The following PTPRM variants were observed in gnomAD, a reference collection of about 807,000 sequenced individuals.
The protein encoded by PTPRM is receptor-type tyrosine-protein phosphatase mu.
PTPRM carries 47 observed loss-of-function variants against 186.7 expected under a neutral mutation model. The ratio of observed to expected loss-of-function variants is 0.25; its 90% confidence interval spans 0.20 to 0.32. The LOEUF (loss-of-function observed/expected upper bound fraction) is 0.32, where lower values mean the gene tolerates loss of function less well. PTPRM is among the 10% of genes least tolerant of loss of function. The pLI is 1.00. For synonymous variants in PTPRM, 668 were observed against 674.9 expected, an observed-to-expected ratio of 0.99 and a Z score of 0.16; for missense variants, 1,494 against 1,865.0, an observed-to-expected ratio of 0.80 and a Z score of 3.66.
intron 1 of PTPRM, among the ~76,000 whole-genome samples, chr18:7,761,927 A>G (rs2041795500): frequency 6.6e-6 from 1 of 152,170 alleles, no homozygotes; most frequent in African/African-American, 2.4e-5. Context: ...AGTCCATTAG[A>G]TGTTTTTTCT....
chr18:8,376,169 C>T lies in PTPRM; in HGVS notation c.3295C>T (p.Pro1099Ser). The T allele has an allele frequency of 1.2e-6, 2 of 1,613,462 alleles. No individual in the cohort carries two copies. Among genetic ancestry groups the T allele is most frequent in the Non-Finnish European group, 8.5e-7 (1 of 1,179,944 alleles). ...GCGGCAAGTCAAGTCCAAGAGCCCG[C>T]CCAGTGCAGGCCCACTGGTGGTGCA... ...FVRQVKSKSP[P>S]SAGPLVVHCS... Residue 1099 changes from proline (P) to serine (S), a missense_variant, in exon 25 of 33, where the codon CCC (proline) becomes TCC (serine). This residue lies in a region of PTPRM where 1,107 missense variants were observed against 1,350.2 expected (regional missense o/e 0.82). Transcript: ENST00000580170.
chr18:8,113,867 C>G, intron 12 of PTPRM, 108 bp downstream of exon 12: 3 of 1,129,210 alleles, frequency 2.7e-6, no homozygotes. Context: ...TGCATTTCTA[C>G]TTGTAAACAA....
At chr18:8,080,825 G>T (rs1040897994) in intron 9 of PTPRM, among the ~76,000 whole-genome samples, 1 of 152,072 alleles carries the variant, frequency 6.6e-6, no homozygotes, top group South Asian at 2.1e-4. Flanking sequence ...ATATGAAATT[G>T]TCTCTTCGCC....
chr18:7,985,549 ACTGGT>A (rs1424405823), intron 7 of PTPRM, among the ~76,000 whole-genome samples: 15 of 148,218 alleles, frequency 1.0e-4, no homozygotes, highest in East Asian at 2.0e-4. Context: ...ATATACATAT[ACTGGT>A]AGATACGTAT....
At chr18:7,738,281 G>A (rs1394126066) in intron 1 of PTPRM, among the ~76,000 whole-genome samples, 1 of 152,188 alleles carries the variant, frequency 6.6e-6, no homozygotes, top group Non-Finnish European at 1.5e-5. Flanking sequence ...TCGGGATTCA[G>A]TGAACTCTTG....
intron 14 of PTPRM, among the ~76,000 whole-genome samples, chr18:8,157,083 G>T (rs1014226126): frequency 6.6e-6 from 1 of 152,114 alleles, no homozygotes; most frequent in Non-Finnish European, 1.5e-5. Flanking sequence ...GGTGAAAGTG[G>T]AGACCCTGGG....
chr18:8,229,789 T>A (rs1047249218), intron 14 of PTPRM, among the ~76,000 whole-genome samples: 2 of 152,196 alleles, frequency 1.3e-5, no homozygotes, highest in Non-Finnish European at 2.9e-5. Context: ...AATATGACTA[T>A]TATTTGAACC....
At chr18:8,320,231 T>C (rs1290051662) in intron 22 of PTPRM, among the ~76,000 whole-genome samples, 1 of 152,082 alleles carries the variant, frequency 6.6e-6, no homozygotes, top group African/African-American at 2.4e-5. Flanking sequence ...AGACAGTCAG[T>C]GACAAGGGAA....
intron 1 of PTPRM, among the ~76,000 whole-genome samples, chr18:7,620,191 C>T (rs185124372): frequency 5.9e-5 from 9 of 152,284 alleles, no homozygotes; most frequent in East Asian, 5.8e-4. Context: ...GCAGAGAAAC[C>T]GCTGGCTGCT....
At chr18:8,208,137 C>T (rs1314543584) in intron 14 of PTPRM, among the ~76,000 whole-genome samples, 1 of 152,230 alleles carries the variant, frequency 6.6e-6, no homozygotes, top group East Asian at 1.9e-4. Context: ...CTCTTTCAGA[C>T]TCCTGCAGGC....
chr18:8,157,378 T>G (rs1020146467), intron 14 of PTPRM, among the ~76,000 whole-genome samples: 1 of 152,192 alleles, frequency 6.6e-6, no homozygotes, highest in Admixed American at 6.5e-5. Context: ...AGTCTTTGTG[T>G]CCGGACATGG....
intron 7 of PTPRM, among the ~76,000 whole-genome samples, chr18:8,001,476 T>C (rs538366780): frequency 6.6e-6 from 1 of 152,174 alleles, no homozygotes; most frequent in East Asian, 1.9e-4. Context: ...TGCTGAGAGA[T>C]TGGACTGCCA....
intron 7 of PTPRM, among the ~76,000 whole-genome samples, chr18:8,033,230 A>C (rs1297889742): frequency 6.6e-6 from 1 of 152,226 alleles, no homozygotes; most frequent in African/African-American, 2.4e-5. Context: ...ATAACAGGCA[A>C]TTTGTGAAAA....
Position 7,713,697 on chromosome 18 carries a change from CAA to C in PTPRM, c.74-60437_74-60436del, listed in dbSNP as rs139119900. On this transcript the variant is annotated intron_variant, in intron 1 of 32. Transcript: ENST00000580170. ...GAATATTTTCCAAGCAAATGGAAAGCAAAAAAAAAAAAAAAAGGAGGGGTCGC... is the reference window on the plus strand; with the variant it reads ...GAATATTTTCCAAGCAAATGGAAAGCAAAAAAAAAAAAAAGGAGGGGTCGC... 4.2e-3 allele frequency among the ~76,000 whole-genome samples: 491 copies of C among 115,816 alleles called. 1 individual carries two copies. The highest frequency in any genetic ancestry group is 4.9e-3 in the Middle Eastern group (1 of 204). 76.0% of individuals were successfully genotyped at this position (115,816 alleles called of 152,430 possible). A position where few individuals can be genotyped will look rare whatever the true frequency, so the allele number is the denominator to read the frequency against.
intron 2 of PTPRM, among the ~76,000 whole-genome samples, chr18:7,817,207 T>C (rs1189287327): frequency 2.0e-5 from 3 of 152,150 alleles, no homozygotes; most frequent in Non-Finnish European, 4.4e-5. Flanking sequence ...ACTCCTGACC[T>C]CAGGTGATCT....
chr18:7,639,924 G>T (rs541701882), intron 1 of PTPRM, among the ~76,000 whole-genome samples: 15 of 152,162 alleles, frequency 9.9e-5, no homozygotes, highest in Non-Finnish European at 1.6e-4. Flanking sequence ...GATTACTAAA[G>T]AAGGAAATAG....
chr18:7,673,532 C>A (rs1400667237), intron 1 of PTPRM, among the ~76,000 whole-genome samples: 1 of 152,040 alleles, frequency 6.6e-6, no homozygotes, highest in Non-Finnish European at 1.5e-5. Flanking sequence ...AATGAAAACA[C>A]AGGAATCAAC....
intron 15 of PTPRM, among the ~76,000 whole-genome samples, chr18:8,246,384 C>T (rs1014509911): frequency 1.3e-5 from 2 of 152,076 alleles, no homozygotes; most frequent in Admixed American, 1.3e-4. Flanking sequence ...TTAATCTCTC[C>T]AGCAAAGCAA....
intron 7 of PTPRM, among the ~76,000 whole-genome samples, chr18:7,960,462 T>TACAC (rs1483179759): frequency 1.3e-5 from 1 of 74,716 alleles, no homozygotes; most frequent in Admixed American, 1.2e-4. Context: ...TATATATATA[T>TACAC]ATATATATAT....
Sources: allele counts gnomAD v4.1 joint callset (sites outside exome capture counted in the v4.1 genomes callset), GRCh38; gene constraint gnomAD v4.1.1; regional missense constraint gnomAD v4.1.1; transcripts MANE v1.5; gene names NCBI Gene and HGNC (gene_info 2026-07-23, HGNC 2026-07-21).